SPATA6: variants seen among roughly 807,000 people sequenced by gnomAD.
SPATA6 encodes the protein spermatogenesis-associated protein 6.
In SPATA6, 56 loss-of-function variants were observed where a neutral mutation model predicts 65.3. That is an observed-to-expected ratio of 0.86 (90% CI 0.69 to 1.07). The LOEUF (loss-of-function observed/expected upper bound fraction) is 1.07, where lower values mean the gene tolerates loss of function less well. SPATA6 is among the 50% of genes least tolerant of loss of function. The pLI, the probability that SPATA6 is intolerant of heterozygous loss-of-function variation, is 0.00. For missense variants in SPATA6, 590 were observed against 594.8 expected (o/e 0.99, Z 0.08); for synonymous variants, 199 against 213.2 (o/e 0.93, Z 0.58).
chr1:48,334,056 T>A (rs1645991425), intron 11 of SPATA6, among the ~76,000 whole-genome samples: 1 of 152,116 alleles, frequency 6.6e-6, no homozygotes, highest in Non-Finnish European at 1.5e-5. Context: ...CCTGGACATA[T>A]ACATCCTTCC....
At chr1:48,364,048 G>A (rs1026030340) in intron 9 of SPATA6, among the ~76,000 whole-genome samples, 6 of 151,826 alleles carry the variant, frequency 4.0e-5, no homozygotes, top group Non-Finnish European at 8.8e-5. Flanking sequence ...GAGAACATGT[G>A]GTGTTTGGTT....
At chr1:48,467,679 C>T (rs184616615) in intron 1 of SPATA6, among the ~76,000 whole-genome samples, 1 of 152,004 alleles carries the variant, frequency 6.6e-6, no homozygotes, top group East Asian at 1.9e-4. Context: ...GGTTAATATC[C>T]AAAATATGTA....
chr1:48,277,512 G>A, the SPATA6 span, among the ~76,000 whole-genome samples: 87,268 of 152,116 alleles, frequency 0.57, 26,170 homozygotes, highest in East Asian at 0.79. Flanking sequence ...AAAAAACGGT[G>A]CACCAGGAGA....
chr1:48,439,588 C>G (rs1314134439), intron 3 of SPATA6, among the ~76,000 whole-genome samples: 2 of 152,206 alleles, frequency 1.3e-5, no homozygotes, highest in African/African-American at 4.8e-5. Context: ...GTGAGCACAA[C>G]TATTCCAGTC....
chr1:48,300,016 G>GGAGA (rs150641436), intron 12 of SPATA6, among the ~76,000 whole-genome samples: 4 of 151,196 alleles, frequency 2.6e-5, no homozygotes, highest in Admixed American at 6.6e-5. Context: ...AAAGAAGGTG[G>GGAGA]GAGAGAGAGA....
intron 12 of SPATA6, among the ~76,000 whole-genome samples, chr1:48,302,135 C>T (rs1047052291): frequency 6.6e-6 from 1 of 152,168 alleles, no homozygotes; most frequent in African/African-American, 2.4e-5. Context: ...AATGATTTGC[C>T]TGGACTGATA....
At chr1:48,370,418 A>C (rs1217590644) in intron 9 of SPATA6, among the ~76,000 whole-genome samples, 1 of 152,254 alleles carries the variant, frequency 6.6e-6, no homozygotes, top group East Asian at 1.9e-4. Context: ...TCACTTTCTC[A>C]ATCTTGCCAA....
chr1:48,331,695 C>A (rs1114193), intron 11 of SPATA6, among the ~76,000 whole-genome samples: 26,789 of 152,076 alleles, frequency 0.18, 2,586 homozygotes, highest in Admixed American at 0.26. Context: ...GCTAGAGAGG[C>A]CGATATTCAA....
At chr1:48,330,019 C>T (rs1195559705) in intron 11 of SPATA6, among the ~76,000 whole-genome samples, 3 of 152,338 alleles carry the variant, frequency 2.0e-5, no homozygotes, top group East Asian at 3.9e-4. Context: ...AGCACCAGTA[C>T]CACAAACCCA....
chr1:48,293,734 C>T (rs1644783363), downstream of SPATA6, among the ~76,000 whole-genome samples: 1 of 152,106 alleles, frequency 6.6e-6, no homozygotes, highest in Non-Finnish European at 1.5e-5. Flanking sequence ...ATTTCTAAGG[C>T]TTATGCTATC....
At chr1:48,359,247 TG>T (rs1205979510) in intron 10 of SPATA6, among the ~76,000 whole-genome samples, 1 of 152,150 alleles carries the variant, frequency 6.6e-6, no homozygotes, top group Non-Finnish European at 1.5e-5. Context: ...AAATATAATC[TG>T]TGTTGTGTTT....
the SPATA6 span, among the ~76,000 whole-genome samples, chr1:48,277,753 G>T: frequency 6.6e-6 from 1 of 152,220 alleles, no homozygotes; most frequent in African/African-American, 2.4e-5. Context: ...TGGGGGCAGG[G>T]CACAGACAAA....
At chr1:48,284,911 G>A in the SPATA6 span, among the ~76,000 whole-genome samples, 3 of 152,160 alleles carry the variant, frequency 2.0e-5, no homozygotes, top group Non-Finnish European at 4.4e-5. Flanking sequence ...CGGGGCTCAG[G>A]ACCCACTTGA....
At chr1:48,386,875 C>T (rs1405104110) in intron 8 of SPATA6, among the ~76,000 whole-genome samples, 6 of 152,220 alleles carry the variant, frequency 3.9e-5, no homozygotes, top group Non-Finnish European at 7.3e-5. Flanking sequence ...TGTGAGCTGT[C>T]CTGGAGCCCA....
chr1:48,331,712 G>A (rs1376828161), intron 11 of SPATA6, among the ~76,000 whole-genome samples: 1 of 151,260 alleles, frequency 6.6e-6, no homozygotes, highest in African/African-American at 2.4e-5. Flanking sequence ...TCAAATTCAG[G>A]AAATGCAAAG....
the SPATA6 span, among the ~76,000 whole-genome samples, chr1:48,277,037 T>A: frequency 6.6e-6 from 1 of 151,764 alleles, no homozygotes; most frequent in Non-Finnish European, 1.5e-5. Flanking sequence ...ATATTTAAGA[T>A]AGTTAACTCT....
At chr1:48,307,175 A>T (rs1218493999) in intron 11 of SPATA6, among the ~76,000 whole-genome samples, 2 of 151,582 alleles carry the variant, frequency 1.3e-5, no homozygotes, top group African/African-American at 2.4e-5. Context: ...TAAAAAGGAT[A>T]GCTGTCTTAA....
At chr1:48,418,957 C>T (rs1653067008) in intron 3 of SPATA6, among the ~76,000 whole-genome samples, 1 of 151,940 alleles carries the variant, frequency 6.6e-6, no homozygotes, top group South Asian at 2.1e-4. Flanking sequence ...GTTAAACAAT[C>T]TTAGGATACG....
chr1:48,402,035 C>A (rs1651213127), intron 6 of SPATA6, among the ~76,000 whole-genome samples: 1 of 152,024 alleles, frequency 6.6e-6, no homozygotes, highest in Admixed American at 6.6e-5. Flanking sequence ...GAACTCGAAC[C>A]CAGATCTGTC....
Sources: allele counts gnomAD v4.1 joint callset (sites outside exome capture counted in the v4.1 genomes callset), GRCh38; gene constraint gnomAD v4.1.1; transcripts MANE v1.5; gene names NCBI Gene and HGNC (gene_info 2026-07-23, HGNC 2026-07-21).